PARD3: variants seen among roughly 807,000 people sequenced by gnomAD.
The protein encoded by PARD3 is par-3 family cell polarity regulator, also known as partitioning defective 3 homolog.
In PARD3, 75 loss-of-function variants were observed where a neutral mutation model predicts 155.4. That is an observed-to-expected ratio of 0.48 (90% CI 0.40 to 0.58). The LOEUF is 0.58. PARD3 is among the 20% of genes least tolerant of loss of function. PARD3 has a pLI of 0.00. For synonymous variants in PARD3, 576 were observed against 610.5 expected (o/e 0.94, Z 0.83); for missense variants, 1,642 against 1,721.7 (o/e 0.95, Z 0.82).
At chr10:34,203,071 T>A (rs371295773) in intron 22 of PARD3, among the ~76,000 whole-genome samples, 6 of 136,954 alleles carry the variant, frequency 4.4e-5, no homozygotes, top group African/African-American at 2.2e-4. Context: ...CACTGCCAGC[T>A]GCAGCCCCAT....
At chr10:34,250,091 A>G (rs976431535) in intron 22 of PARD3, among the ~76,000 whole-genome samples, 1 of 152,276 alleles carries the variant, frequency 6.6e-6, no homozygotes. Context: ...CTTGGAACAT[A>G]TGAAATAGAA....
intron 1 of PARD3, among the ~76,000 whole-genome samples, chr10:34,758,232 T>A (rs557585153): frequency 9.2e-5 from 14 of 152,314 alleles, no homozygotes; most frequent in African/African-American, 2.9e-4. Context: ...TAAAATCACA[T>A]CAACTTTTTT....
intron 2 of PARD3, among the ~76,000 whole-genome samples, chr10:34,519,189 C>G (rs2133659331): frequency 6.6e-6 from 1 of 152,204 alleles, no homozygotes; most frequent in South Asian, 2.1e-4. Context: ...AGAATGAGAA[C>G]TACATGGAGT....
chr10:34,711,110 A>C (rs1437939665), intron 1 of PARD3, among the ~76,000 whole-genome samples: 1 of 152,118 alleles, frequency 6.6e-6, no homozygotes, highest in East Asian at 1.9e-4. Context: ...CAAAAATTCA[A>C]GGCAGCTGAT....
At chr10:34,610,567 T>C (rs956063443) in intron 2 of PARD3, among the ~76,000 whole-genome samples, 3 of 152,108 alleles carry the variant, frequency 2.0e-5, no homozygotes, top group Non-Finnish European at 4.4e-5. Flanking sequence ...TAACCAAGAA[T>C]CAGTGTGAGG....
chr10:34,723,823 C>G (rs986569290), intron 1 of PARD3, among the ~76,000 whole-genome samples: 24 of 152,286 alleles, frequency 1.6e-4, no homozygotes, highest in African/African-American at 5.3e-4. Flanking sequence ...GATGCAGGAC[C>G]AGGGATGGGG....
chr10:34,663,906 G>C (rs570584315), intron 2 of PARD3: 11 of 152,040 alleles, frequency 7.2e-5, no homozygotes, highest in Admixed American at 5.9e-4. Context: ...TGTCCTTCAC[G>C]GAGCCCAGGC....
chr10:34,288,966 G>A (rs1564551334), intron 20 of PARD3, among the ~76,000 whole-genome samples: 1 of 151,948 alleles, frequency 6.6e-6, no homozygotes, highest in South Asian at 2.1e-4. Context: ...ATAGAAGAAC[G>A]ACCTTCTTTT....
chr10:34,126,933 ATGC>A (rs1163668283), intron 23 of PARD3, among the ~76,000 whole-genome samples: 1 of 152,198 alleles, frequency 6.6e-6, no homozygotes, highest in Non-Finnish European at 1.5e-5. Flanking sequence ...ATTACCGGAA[ATGC>A]TAATACAAGC....
intron 2 of PARD3, among the ~76,000 whole-genome samples, chr10:34,596,841 A>G (rs2089309715): frequency 6.6e-6 from 1 of 152,204 alleles, no homozygotes; most frequent in South Asian, 2.1e-4. Flanking sequence ...AATTTGTAAT[A>G]TATTACCTAA....
intron 3 of PARD3, among the ~76,000 whole-genome samples, chr10:34,477,285 ATTTAT>A (rs1211708300): frequency 3.3e-5 from 5 of 152,208 alleles, no homozygotes; most frequent in Non-Finnish European, 7.3e-5. Context: ...TAATCTTCTG[ATTTAT>A]TTAATATATA....
chr10:34,282,611 G>A (rs772719254), intron 21 of PARD3, among the ~76,000 whole-genome samples: 113 of 152,202 alleles, frequency 7.4e-4, no homozygotes, highest in Admixed American at 1.4e-3. Flanking sequence ...GATTAATGAA[G>A]CTATCTATCC....
intron 22 of PARD3, among the ~76,000 whole-genome samples, chr10:34,221,387 CCTTT>C (rs1182180924): frequency 9.7e-6 from 1 of 103,054 alleles, no homozygotes; most frequent in Non-Finnish European, 2.1e-5. Context: ...CCAGGACTTG[CCTTT>C]TTTTTTTTTT....
chr10:34,140,964 A>C (rs1215579624), intron 22 of PARD3, among the ~76,000 whole-genome samples: 3 of 152,216 alleles, frequency 2.0e-5, no homozygotes, highest in African/African-American at 7.2e-5. Flanking sequence ...ACTGGTATGT[A>C]AGTCTAAACT....
At chr10:34,186,129 G>T (rs1318515333) in intron 22 of PARD3, among the ~76,000 whole-genome samples, 1 of 151,754 alleles carries the variant, frequency 6.6e-6, no homozygotes, top group African/African-American at 2.4e-5. Context: ...GAGCAGGGGG[G>T]AGGCATCACA....
At chr10:34,446,233 G>A (rs1424936044) in intron 5 of PARD3, among the ~76,000 whole-genome samples, 1 of 152,128 alleles carries the variant, frequency 6.6e-6, no homozygotes, top group Non-Finnish European at 1.5e-5. Context: ...TGTGAGTGAG[G>A]TTGCTAAGCT....
intron 19 of PARD3, among the ~76,000 whole-genome samples, chr10:34,324,086 A>C (rs922179686): frequency 2.6e-5 from 4 of 152,222 alleles, no homozygotes; most frequent in African/African-American, 9.6e-5. Context: ...ACAAACTATT[A>C]TTTATGGTCA....
At chr10:34,668,262 C>T (rs187243015) in intron 2 of PARD3, among the ~76,000 whole-genome samples, 33 of 152,276 alleles carry the variant, frequency 2.2e-4, no homozygotes, top group Non-Finnish European at 3.4e-4. Flanking sequence ...AATTTCTTGG[C>T]CTTATCAAAA....
chr10:34,765,671 C>CAAA (rs112970917), intron 1 of PARD3, among the ~76,000 whole-genome samples: 3 of 136,152 alleles, frequency 2.2e-5, no homozygotes, highest in African/African-American at 8.1e-5. Context: ...GAGTAAGACT[C>CAAA]AAAAAAAAAA....
Sources: allele counts gnomAD v4.1 joint callset (sites outside exome capture counted in the v4.1 genomes callset), GRCh38; gene constraint gnomAD v4.1.1; transcripts MANE v1.5; gene names NCBI Gene and HGNC (gene_info 2026-07-23, HGNC 2026-07-21).